The following FRMPD4 variants were observed in gnomAD, a reference collection of about 807,000 sequenced individuals.
The protein encoded by FRMPD4 is FERM and PDZ domain containing 4.
A neutral mutation model predicts 94.1 loss-of-function variants in FRMPD4; 22 were observed. The observed-to-expected ratio is 0.23, with a 90% CI of 0.17 to 0.33. FRMPD4 has a LOEUF of 0.33. Among genes scored for constraint, FRMPD4 ranks in the 10% least tolerant of loss-of-function variants. The pLI, the probability that FRMPD4 is intolerant of heterozygous loss-of-function variation, is 1.00. For missense variants in FRMPD4, 1,111 were observed against 1,339.9 expected, an observed-to-expected ratio of 0.83 and a Z score of 2.67; for synonymous variants, 631 against 548.6, an observed-to-expected ratio of 1.15 and a Z score of -2.10.
chrX:12,108,321 C>G (rs2055319783), intron 3 of FRMPD4, among the ~76,000 whole-genome samples: 1 of 111,460 alleles, frequency 9.0e-6, no homozygotes, highest in Admixed American at 9.5e-5. Flanking sequence ...TCCAGCCAAA[C>G]TAAGCTTCAT....
intron 3 of FRMPD4, among the ~76,000 whole-genome samples, chrX:12,612,591 G>T (rs2059194271): frequency 8.9e-6 from 1 of 112,312 alleles, no homozygotes; most frequent in African/African-American, 3.2e-5. Flanking sequence ...CTCTTCTCCA[G>T]AATTCTTGAT....
At chrX:12,548,579 C>T (rs1037157069) in intron 2 of FRMPD4, among the ~76,000 whole-genome samples, 1 of 112,793 alleles carries the variant, frequency 8.9e-6, no homozygotes, top group African/African-American at 3.2e-5. Context: ...GAATTCCACC[C>T]TCTACTGTCC....
At chrX:11,970,117 G>T (rs1378075481) in intron 3 of FRMPD4, among the ~76,000 whole-genome samples, 2 of 111,511 alleles carry the variant, frequency 1.8e-5, no homozygotes, top group African/African-American at 6.5e-5. Flanking sequence ...GGCAATTTGG[G>T]TCTCCTACCC....
At chrX:12,147,027 T>A (rs1229783829) in intron 1 of FRMPD4, among the ~76,000 whole-genome samples, 1 of 112,618 alleles carries the variant, frequency 8.9e-6, no homozygotes, top group African/African-American at 3.2e-5. Context: ...TAGGCAGAAC[T>A]CTGACCCTAT....
intron 12 of FRMPD4, 147 bp from the exon 13 acceptor site, chrX:12,707,322 G>A (rs777432866): frequency 4.5e-6 from 2 of 439,633 alleles, no homozygotes; most frequent in Admixed American, 4.5e-5. Context: ...CATGTATCTG[G>A]TTCTTCTAAT....
intron 3 of FRMPD4, among the ~76,000 whole-genome samples, chrX:11,976,857 G>T (rs2054370017): frequency 2.7e-5 from 3 of 111,517 alleles, no homozygotes; most frequent in Non-Finnish European, 5.7e-5. Context: ...TATTTGCCAT[G>T]ACTCATCAGT....
intron 1 of FRMPD4, among the ~76,000 whole-genome samples, chrX:12,410,425 C>T (rs773465500): frequency 9.0e-6 from 1 of 111,015 alleles, no homozygotes; most frequent in African/African-American, 3.3e-5. Context: ...TGTTTTTTTT[C>T]CAACTGCCAC....
At chrX:12,658,681 T>A (rs1602274007) in intron 4 of FRMPD4, among the ~76,000 whole-genome samples, 1 of 111,679 alleles carries the variant, frequency 9.0e-6, no homozygotes, top group Non-Finnish European at 1.9e-5. Flanking sequence ...CCAACTTTTT[T>A]TTTTTTAGTA....
intron 3 of FRMPD4, among the ~76,000 whole-genome samples, chrX:12,110,204 CA>C (rs2055344551): frequency 8.9e-6 from 1 of 112,218 alleles, no homozygotes; most frequent in Admixed American, 9.4e-5. Context: ...AGCAACACAT[CA>C]AAAAGCTTAT....
chrX:12,658,384 G>A (rs999786253), intron 4 of FRMPD4, among the ~76,000 whole-genome samples: 2 of 112,049 alleles, frequency 1.8e-5, no homozygotes, highest in Admixed American at 9.4e-5. Flanking sequence ...ATGCATAGAG[G>A]CAGGAAAGAA....
At chrX:12,704,852 A>C (rs999180499) in intron 11 of FRMPD4, among the ~76,000 whole-genome samples, 4 of 112,334 alleles carry the variant, frequency 3.6e-5, no homozygotes, top group Non-Finnish European at 7.5e-5. Flanking sequence ...TCAATGCACA[A>C]CAGCCAGCAA....
At chrX:12,048,798 G>A (rs774137612) in intron 3 of FRMPD4, among the ~76,000 whole-genome samples, 2 of 111,376 alleles carry the variant, frequency 1.8e-5, no homozygotes, top group Non-Finnish European at 3.8e-5. Context: ...ATGGCGGTAG[G>A]TGTGTGACAT....
chrX:12,156,556 A>G (rs2055939618), intron 1 of FRMPD4, among the ~76,000 whole-genome samples: 1 of 112,039 alleles, frequency 8.9e-6, no homozygotes, highest in South Asian at 3.8e-4. Context: ...GTTTTACACA[A>G]GTGGGAAATG....
intron 3 of FRMPD4, among the ~76,000 whole-genome samples, chrX:12,072,805 T>C (rs73632669): frequency 0.049 from 5,494 of 111,149 alleles, 352 homozygotes; most frequent in African/African-American, 0.17. Context: ...GTATTGCTTT[T>C]TAAAGCAATA....
chrX:12,200,075 A>C (rs1181816657), intron 1 of FRMPD4, among the ~76,000 whole-genome samples: 2 of 111,471 alleles, frequency 1.8e-5, no homozygotes, highest in Non-Finnish European at 3.8e-5. Flanking sequence ...ACCAGGAGCA[A>C]TTTGAGGAGG....
At chrX:11,921,617 G>A (rs2054056971) in intron 3 of FRMPD4, among the ~76,000 whole-genome samples, 2 of 112,049 alleles carry the variant, frequency 1.8e-5, no homozygotes, top group South Asian at 7.4e-4. Context: ...TTGCATAGCA[G>A]CTCTGTTGCT....
rs148915388 is a variant in FRMPD4, at chrX:12,600,161, T to G, written c.159-9560T>G. Among the ~76,000 whole-genome samples the G allele has an allele frequency of 8.1e-3, 892 of 110,174 alleles. 3 individuals are homozygous for G. Among genetic ancestry groups the G allele is most frequent in the Non-Finnish European group, 0.013 (686 of 52,807 alleles). On this transcript the variant is annotated intron_variant, in intron 2 of 16. Coordinates refer to ENST00000675598, the MANE Select transcript of FRMPD4 (RefSeq NM_001368397.1). Reference sequence around the variant, plus strand: ...GAGGAAAAAAAGAACTGCAGAAACATATGAAGAGGCAAACGGACAAAGTAT... The same window carrying G: ...GAGGAAAAAAAGAACTGCAGAAACAGATGAAGAGGCAAACGGACAAAGTAT...
At chrX:12,403,452 C>T (rs1027101264) in intron 1 of FRMPD4, among the ~76,000 whole-genome samples, 3 of 110,962 alleles carry the variant, frequency 2.7e-5, no homozygotes, top group African/African-American at 9.9e-5. Context: ...CCTCTTTCTA[C>T]TCCACTAACT....
At chrX:11,838,360 A>C (rs1471986759) in intron 1 of FRMPD4, among the ~76,000 whole-genome samples, 1 of 111,868 alleles carries the variant, frequency 8.9e-6, no homozygotes, top group Non-Finnish European at 1.9e-5. Flanking sequence ...TCGAAACTGT[A>C]ACCATTTAAT....
Sources: gnomAD v4.1 joint callset for allele counts (sites outside exome capture counted in the v4.1 genomes callset) on GRCh38, gnomAD v4.1.1 for gene constraint, MANE v1.5 for transcripts, NCBI Gene and HGNC (gene_info 2026-07-23, HGNC 2026-07-21) for gene names.